Variants in CDS1 observed in about 807,000 individuals in gnomAD.
The protein encoded by CDS1 is CDP-diacylglycerol synthase 1, also known as phosphatidate cytidylyltransferase 1.
A neutral mutation model predicts 62.1 loss-of-function variants in CDS1; 41 were observed. That is an observed-to-expected ratio of 0.66 (90% CI 0.51 to 0.86). CDS1 has a LOEUF of 0.86. CDS1 is among the 40% of genes least tolerant of loss of function. The pLI is 0.00. For synonymous variants in CDS1, 185 were observed against 192.6 expected, an observed-to-expected ratio of 0.96 and a Z score of 0.32; for missense variants, 470 against 550.1, an observed-to-expected ratio of 0.85 and a Z score of 1.46.
Position 84,649,253 on chromosome 4 carries a change from C to T in CDS1, c.*567C>T, listed in dbSNP as rs1428028451. ...CCATTTGCCAGGGGAAAACATTCTG[C>T]TTTTAGGTAGTTTCAAAATTCAGGG... On this transcript the variant is annotated 3_prime_UTR_variant, in exon 13 of 13. Transcript: ENST00000295887. 1.3e-5 allele frequency: 2 copies of T among 151,668 alleles called. No homozygotes were observed. The highest frequency in any genetic ancestry group is 4.8e-5 in the African/African-American group (2 of 41,276). 9.4% of individuals were successfully genotyped at this position (151,668 alleles called of 1,614,324 possible).
At chr4:84,608,264 C>T (rs977400512) in intron 2 of CDS1, among the ~76,000 whole-genome samples, 22 of 152,226 alleles carry the variant, frequency 1.4e-4, no homozygotes, top group Non-Finnish European at 3.2e-4. Context: ...AGCTCCGCCT[C>T]CCGGGTTCAC....
chr4:84,643,584 T>C (rs1352601486), intron 11 of CDS1, among the ~76,000 whole-genome samples: 1 of 152,220 alleles, frequency 6.6e-6, no homozygotes, highest in African/African-American at 2.4e-5. Context: ...AAACAATACA[T>C]TTATTAGGAT....
intron 6 of CDS1, among the ~76,000 whole-genome samples, chr4:84,632,476 G>C (rs185369951): frequency 1.5e-3 from 234 of 152,122 alleles, no homozygotes; most frequent in African/African-American, 5.4e-3. Flanking sequence ...GTGATAGTGA[G>C]GCTTATTTTG....
At chr4:84,641,108 C>G (rs976326945) in intron 10 of CDS1, 118 bp downstream of exon 10, 1 of 649,002 alleles carries the variant, frequency 1.5e-6, no homozygotes, top group Non-Finnish European at 2.2e-6. Context: ...CAGAGTTTCC[C>G]TCTGTTGCCC....
In CDS1 at chr4:84,605,128, A is replaced by C. The variant is rs371437014; in HGVS notation, c.245+758A>C. On this transcript the variant is annotated intron_variant, in intron 2 of 12. Coordinates refer to ENST00000295887, the MANE Select transcript of CDS1 (RefSeq NM_001263.4). ...AGCTTTTGTCCAGATTAATGTATGA[A>C]ATGTTACATATTGGTGTAGAAAGAA... 2.2e-4 allele frequency among the ~76,000 whole-genome samples: 34 copies of C among 152,314 alleles called. No homozygotes were observed. In the East Asian group the frequency reaches 6.6e-3, roughly 29 times the overall value.
intron 1 of CDS1, among the ~76,000 whole-genome samples, chr4:84,594,862 A>G (rs1327440566): frequency 6.6e-6 from 1 of 152,084 alleles, no homozygotes; most frequent in Non-Finnish European, 1.5e-5. Context: ...GACCACAGGC[A>G]TGCACCACCA....
At chr4:84,585,296 A>T (rs1011549153) in intron 1 of CDS1, among the ~76,000 whole-genome samples, 2 of 152,190 alleles carry the variant, frequency 1.3e-5, no homozygotes, top group African/African-American at 4.8e-5. Context: ...AGACTTTGCT[A>T]TATGTAACCT....
intron 3 of CDS1, among the ~76,000 whole-genome samples, chr4:84,613,626 A>G (rs1297422439): frequency 2.0e-5 from 3 of 152,156 alleles, no homozygotes; most frequent in African/African-American, 4.8e-5. Flanking sequence ...CAAACAAACA[A>G]AACTTCTAGG....
At position 84,617,444 on chromosome 4, in the gene CDS1, C is replaced by G. The variant is rs911437553; in HGVS notation, c.343-120C>G. On this transcript the variant is annotated intron_variant, in intron 3 of 12. Transcript: ENST00000295887. ...TATTGCATTTTTTACTGACATTTAG[C>G]ATAATTAAACATTGGTAGATTAAGA... 8.2e-6 allele frequency: 5 copies of G among 607,848 alleles called. No individual in the cohort carries two copies. In the African/African-American group the frequency reaches 9.7e-5, roughly 12 times the overall value. The allele number at this position is 607,848 out of a possible 1,614,324, so 37.7% of individuals were successfully genotyped here. A position where few individuals can be genotyped will look rare whatever the true frequency, so the allele number is the denominator to read the frequency against.
intron 5 of CDS1, among the ~76,000 whole-genome samples, chr4:84,630,729 C>T (rs956109050): frequency 1.3e-5 from 2 of 151,894 alleles, no homozygotes; most frequent in Non-Finnish European, 2.9e-5. Context: ...CGCTTGAGGC[C>T]AGGAGTTCAA....
chr4:84,617,341 G>A (rs1165876603), intron 3 of CDS1, among the ~76,000 whole-genome samples: 1 of 152,130 alleles, frequency 6.6e-6, no homozygotes, highest in Non-Finnish European at 1.5e-5. Context: ...ACCCCAGGAA[G>A]GATCTTCCAA....
chr4:84,600,147 T>C (rs1461903349), intron 1 of CDS1, among the ~76,000 whole-genome samples: 1 of 152,182 alleles, frequency 6.6e-6, no homozygotes, highest in Non-Finnish European at 1.5e-5. Context: ...GTTGAACATA[T>C]TTTCATATGT....
rs1724712592 is a variant in CDS1 at position 84,650,916 on chromosome 4, G to A, written c.*2230G>A. Reference sequence around the variant, plus strand: ...ATTTTGATATTTGCACTGTGAAGAGGGCTTAAATTCCAATGTAGCAATGTG... The same window carrying A: ...ATTTTGATATTTGCACTGTGAAGAGAGCTTAAATTCCAATGTAGCAATGTG... On this transcript the variant is annotated 3_prime_UTR_variant, in exon 13 of 13. Coordinates refer to ENST00000295887, the MANE Select transcript of CDS1 (RefSeq NM_001263.4). The A allele has an allele frequency of 6.6e-6, 1 of 152,056 alleles. No homozygotes were observed. The highest frequency in any genetic ancestry group is 6.6e-5 in the Admixed American group (1 of 15,252). 9.4% of individuals were successfully genotyped at this position (152,056 alleles called of 1,614,324 possible). A position where few individuals can be genotyped will look rare whatever the true frequency, so the allele number is the denominator to read the frequency against.
At chr4:84,645,087 T>C in intron 11 of CDS1, 135 bp from the exon 12 acceptor site, 1 of 650,308 alleles carries the variant, frequency 1.5e-6, no homozygotes, top group Non-Finnish European at 2.7e-6. Flanking sequence ...TCTAATAAGT[T>C]TTTATTTAGT....
intron 1 of CDS1, among the ~76,000 whole-genome samples, chr4:84,599,188 G>A (rs1379103823): frequency 6.6e-6 from 1 of 151,824 alleles, no homozygotes; most frequent in Admixed American, 6.6e-5. Flanking sequence ...GTCCTCCCGT[G>A]GTGGAGAGAT....
At chr4:84,625,501 GAA>G (rs1188193016) in intron 5 of CDS1, among the ~76,000 whole-genome samples, 1 of 152,118 alleles carries the variant, frequency 6.6e-6, no homozygotes, top group Non-Finnish European at 1.5e-5. Flanking sequence ...TCATGAAAAG[GAA>G]AGAGCAAGCA....
intron 1 of CDS1, among the ~76,000 whole-genome samples, chr4:84,597,252 TA>T (rs1460153859): frequency 6.6e-6 from 1 of 150,910 alleles, no homozygotes; most frequent in East Asian, 1.9e-4. Flanking sequence ...CAGTTCAAAT[TA>T]AAAAAAAATA....
At chr4:84,596,206 A>G (rs982959379) in intron 1 of CDS1, among the ~76,000 whole-genome samples, 2 of 152,196 alleles carry the variant, frequency 1.3e-5, no homozygotes, top group Admixed American at 6.5e-5. Flanking sequence ...TGGCATGCGA[A>G]GAGTTGCACA....
At chr4:84,600,424 G>A (rs539358663) in intron 1 of CDS1, among the ~76,000 whole-genome samples, 1 of 151,992 alleles carries the variant, frequency 6.6e-6, no homozygotes, top group African/African-American at 2.4e-5. Context: ...AGAAATTTTT[G>A]CCTAACCAAG....
Sources: gnomAD v4.1 joint callset for allele counts (sites outside exome capture counted in the v4.1 genomes callset) on GRCh38, gnomAD v4.1.1 for gene constraint, MANE v1.5 for transcripts, NCBI Gene and HGNC (gene_info 2026-07-23, HGNC 2026-07-21) for gene names.